Variants in LRP2 observed in about 807,000 individuals in gnomAD.
LRP2 encodes the protein LDL receptor related protein 2.
Under a neutral mutation model 531.0 loss-of-function variants are expected in LRP2, and 172 were observed. That is an observed-to-expected ratio of 0.32 (90% CI 0.29 to 0.37). The LOEUF (loss-of-function observed/expected upper bound fraction) is 0.37. Ranked by LOEUF, LRP2 falls within the 10% of genes least tolerant of loss-of-function variation. The pLI is 1.00. For synonymous variants in LRP2, 1,992 were observed against 2,027.6 expected (o/e 0.98, Z 0.47); for missense variants, 5,167 against 5,868.3 (o/e 0.88, Z 3.90).
intron 1 of LRP2, among the ~76,000 whole-genome samples, chr2:169,332,624 A>C (rs1455067554): frequency 6.6e-6 from 1 of 152,214 alleles, no homozygotes; most frequent in Non-Finnish European, 1.5e-5. Context: ...TGTAATTGCT[A>C]AGTGGGTTTA....
chr2:169,129,668 G>A (rs930181749), intron 77 of LRP2, among the ~76,000 whole-genome samples: 1 of 152,112 alleles, frequency 6.6e-6, no homozygotes, highest in African/African-American at 2.4e-5. Flanking sequence ...AACCCCAGAG[G>A]TAGGTACACT....
chr2:169,268,128 C>G (rs936784695), intron 16 of LRP2, among the ~76,000 whole-genome samples: 6 of 151,982 alleles, frequency 3.9e-5, no homozygotes, highest in African/African-American at 1.4e-4. Flanking sequence ...CCTACCAACC[C>G]AAAAAATGTC....
intron 46 of LRP2, 81 bp from the exon 47 acceptor site, chr2:169,193,973 G>C: frequency 6.6e-7 from 1 of 1,509,392 alleles, no homozygotes; most frequent in African/African-American, 1.4e-5. Flanking sequence ...TGTAGCATGG[G>C]TTGTCTAGAA....
intron 25 of LRP2, 143 bp from the exon 26 acceptor site, chr2:169,239,918 G>C: frequency 1.4e-6 from 1 of 731,346 alleles, no homozygotes. Context: ...CATGCACTTG[G>C]GTGAGTTCCA....
chr2:169,142,903 A>C, intron 70 of LRP2, 110 bp from the exon 71 acceptor site: 4 of 1,196,852 alleles, frequency 3.3e-6, no homozygotes, highest in Non-Finnish European at 5.0e-6. Context: ...GCATCCTCTC[A>C]ATACCTCTCG....
intron 42 of LRP2, among the ~76,000 whole-genome samples, chr2:169,203,274 C>T (rs1559013674): frequency 6.6e-6 from 1 of 152,176 alleles, no homozygotes; most frequent in Non-Finnish European, 1.5e-5. Flanking sequence ...ATAAAATGCA[C>T]AATGAAGCAC....
At chr2:169,305,188 A>G (rs1274563210) in intron 4 of LRP2, among the ~76,000 whole-genome samples, 1 of 152,238 alleles carries the variant, frequency 6.6e-6, no homozygotes, top group African/African-American at 2.4e-5. Flanking sequence ...CATTTCTCCC[A>G]AAGAAAAATA....
At chr2:169,337,145 C>G (rs890977570) in intron 1 of LRP2, among the ~76,000 whole-genome samples, 1 of 152,182 alleles carries the variant, frequency 6.6e-6, no homozygotes, top group African/African-American at 2.4e-5. Context: ...CCCCAAAAAT[C>G]TGCTCCCAGG....
chr2:169,147,580 G>A lies in LRP2; in HGVS notation c.12591-621C>T, dbSNP rs75871701. Reference sequence around the variant, plus strand: ...AATCCCCCCACTTCAGCCTCCCAAAGTGTTGGGATTACAGGAGTGAGCCAC... The same window carrying A: ...AATCCCCCCACTTCAGCCTCCCAAAATGTTGGGATTACAGGAGTGAGCCAC... On this transcript the variant is annotated intron_variant, in intron 68 of 78. Coordinates refer to ENST00000649046, the MANE Select transcript of LRP2 (RefSeq NM_004525.3). Among the ~76,000 whole-genome samples, 716 of 152,238 alleles carry A rather than the reference G, an allele frequency of 4.7e-3. 3 individuals carry two copies. The highest frequency in any genetic ancestry group is 8.4e-3 in the Non-Finnish European group (572 of 68,012).
At chr2:169,216,568 C>T in intron 34 of LRP2, 138 bp from the exon 35 acceptor site, 1 of 798,584 alleles carries the variant, frequency 1.3e-6, no homozygotes, top group Non-Finnish European at 2.1e-6. Flanking sequence ...TATCTCGTTG[C>T]ATACAACGTG....
In LRP2 at chr2:169,173,092, C is replaced by G. The variant is rs753784479; in HGVS notation, c.11143+4G>C. ...TCCCTCCACTCCCCTGTGGCCCCTC[C>G]TACCACAGCCTTGCTCATCACTGTT... On this transcript the variant is annotated splice_donor_region_variant and intron_variant, in intron 57 of 78. Transcript: ENST00000649046. 7 of 1,614,166 alleles carry G rather than the reference C, an allele frequency of 4.3e-6. No homozygotes were observed. Among genetic ancestry groups the G allele is most frequent in the Non-Finnish European group, 5.9e-6 (7 of 1,180,026 alleles).
rs775460171 is a variant in LRP2 at position 169,139,299 on chromosome 2, T to C, written c.13340A>G (p.His4447Arg). 2 of 1,614,192 alleles carry C rather than the reference T, an allele frequency of 1.2e-6. No individual in the cohort carries two copies. Among genetic ancestry groups the C allele is most frequent in the Middle Eastern group, 1.6e-4 (1 of 6,062 alleles). Residue 4447 changes from histidine (H) to arginine (R), a missense_variant, in exon 74 of 79, where the codon CAC becomes CGC. By Grantham distance (29) the His-to-Arg change is conservative. This residue lies in a region of LRP2 where 348 missense variants were observed against 369.3 expected (regional missense o/e 0.94). Coordinates refer to ENST00000649046, the MANE Select transcript of LRP2 (RefSeq NM_004525.3). ...IGALAIAGFF[H>R]YRRTGSLLPA... ...CAAAAGGGAGCCGGTCCTTCTATAG[T>C]GGAAGAATCCTGCAATTGCCAGAGC...
At chr2:169,132,449 T>C in intron 77 of LRP2, 125 bp downstream of exon 77, 1 of 691,082 alleles carries the variant, frequency 1.4e-6, no homozygotes, top group Non-Finnish European at 2.7e-6. Flanking sequence ...ATTTATTAAC[T>C]GTCAACACAT....
At position 169,235,866 on chromosome 2, in the gene LRP2, G is replaced by C; in HGVS notation, c.4894C>G (p.Arg1632Gly). ...MDFCDYNGHHRRQVIASDLII... is the reference protein window; with the variant it reads ...MDFCDYNGHHGRQVIASDLII... ...AAATCACTGGCTATCACCTGTCTCC[G>C]ATGGTGTCCATTATAATCACAAAAG... The change falls in exon 29 of 79, where the codon CGG becomes GGG. Residue 1632 changes from arginine to glycine, a missense_variant. Physicochemically the swap from Arg to Gly is moderately radical, Grantham distance 125. Around this residue, in one of 6 missense-constraint regions of LRP2, gnomAD observed 2,811 missense variants for 3,058.0 expected, o/e 0.92. Coordinates refer to ENST00000649046, the MANE Select transcript of LRP2 (RefSeq NM_004525.3). 6.2e-7 allele frequency: 1 copy of C among 1,614,052 alleles called. No homozygotes were observed. The highest frequency in any genetic ancestry group is 8.5e-7 in the Non-Finnish European group (1 of 1,179,946).
chr2:169,175,135 T>C lies in LRP2; in HGVS notation c.10768+58A>G, dbSNP rs1331542860. 5.0e-5 allele frequency: 77 copies of C among 1,545,748 alleles called. No homozygotes were observed. In the East Asian group the frequency reaches 1.6e-3, roughly 33 times the overall value. On this transcript the variant is annotated intron_variant, in intron 55 of 78. Transcript: ENST00000649046. ...TATTCAGGAAATACCCACAGAATCA[T>C]GATCGTATACAATCAACATAGAAGT...
intron 19 of LRP2, among the ~76,000 whole-genome samples, chr2:169,248,432 G>C (rs1348504490): frequency 2.6e-5 from 4 of 152,116 alleles, no homozygotes; most frequent in Non-Finnish European, 5.9e-5. Context: ...CTAGAGCCTG[G>C]CAATCCCAGT....
chr2:169,243,551 A>C (rs772796672), intron 22 of LRP2, 29 bp from the exon 23 acceptor site: 1 of 1,613,568 alleles, frequency 6.2e-7, no homozygotes, highest in Non-Finnish European at 8.5e-7. Context: ...AAAACCAACA[A>C]GTTTATTTCC....
At chr2:169,293,932 C>A (rs766480387) in intron 6 of LRP2, among the ~76,000 whole-genome samples, 3 of 152,064 alleles carry the variant, frequency 2.0e-5, no homozygotes, top group Non-Finnish European at 4.4e-5. Flanking sequence ...TACACAGATC[C>A]TTGGAAAATA....
intron 63 of LRP2, among the ~76,000 whole-genome samples, chr2:169,161,852 C>T (rs1686600561): frequency 1.3e-5 from 2 of 152,192 alleles, no homozygotes; most frequent in African/African-American, 2.4e-5. Context: ...CAAACACCCT[C>T]AGAAGGATTT....
Sources: gnomAD v4.1 joint callset for allele counts (sites outside exome capture counted in the v4.1 genomes callset) on GRCh38, gnomAD v4.1.1 for gene constraint, gnomAD v4.1.1 regional missense constraint, MANE v1.5 for transcripts, NCBI Gene and HGNC (gene_info 2026-07-23, HGNC 2026-07-21) for gene names.